Variants in SMAD5 observed in about 807,000 individuals in gnomAD.
SMAD5 encodes MAD, mothers against decapentaplegic homolog 5.
In SMAD5, 9 loss-of-function variants were observed where a neutral mutation model predicts 43.1. The observed-to-expected ratio is 0.21, with a 90% CI of 0.13 to 0.36. The LOEUF (loss-of-function observed/expected upper bound fraction) is 0.36. Ranked by LOEUF, SMAD5 falls within the 10% of genes least tolerant of loss-of-function variation. SMAD5 has a pLI of 1.00. For synonymous variants in SMAD5, 190 were observed against 192.4 expected (o/e 0.99, Z 0.10); for missense variants, 348 against 574.0 (o/e 0.61, Z 4.02).
In SMAD5 at chr5:136,153,577, C is replaced by G; in HGVS notation, c.-169-15C>G. 1.9e-6 allele frequency: 1 copy of G among 530,128 alleles called. No homozygotes were observed. The highest frequency in any genetic ancestry group is 3.3e-6 in the Non-Finnish European group (1 of 300,784). 32.8% of individuals were successfully genotyped at this position (530,128 alleles called of 1,614,324 possible). ...ATTGATTTAAACTAGGATCCTTTCC[C>G]CCTTTCTCTTTCAGGACTTGACCCA... is the stretch of plus-strand genomic sequence containing the variant. On this transcript the variant is annotated splice_polypyrimidine_tract_variant and intron_variant, in intron 2 of 7. Coordinates refer to ENST00000545279, the MANE Select transcript of SMAD5 (RefSeq NM_005903.7).
intron 1 of SMAD5, among the ~76,000 whole-genome samples, chr5:136,139,198 G>A (rs1029993307): frequency 1.5e-4 from 23 of 151,728 alleles, no homozygotes; most frequent in African/African-American, 4.6e-4. Flanking sequence ...GTGTCTCGGG[G>A]TGGGTATTGA....
At chr5:136,153,143 T>TA (rs1173439333) in intron 2 of SMAD5, among the ~76,000 whole-genome samples, 5 of 152,162 alleles carry the variant, frequency 3.3e-5, no homozygotes, top group Non-Finnish European at 7.4e-5. Context: ...GGGAAACATT[T>TA]AAAGAGAATA....
intron 1 of SMAD5, among the ~76,000 whole-genome samples, chr5:136,144,841 C>A (rs1753206126): frequency 6.6e-6 from 1 of 151,654 alleles, no homozygotes; most frequent in South Asian, 2.1e-4. Flanking sequence ...ACCAAGGATA[C>A]AAATCATGTA....
chr5:136,173,953 A>G (rs1440281099), intron 6 of SMAD5, among the ~76,000 whole-genome samples: 1 of 151,422 alleles, frequency 6.6e-6, no homozygotes, highest in Non-Finnish European at 1.5e-5. Context: ...GTTTTTTTTT[A>G]GTGTTGCTGT....
At chr5:136,140,635 G>A (rs1476975933) in intron 1 of SMAD5, among the ~76,000 whole-genome samples, 1 of 151,916 alleles carries the variant, frequency 6.6e-6, no homozygotes, top group African/African-American at 2.4e-5. Context: ...AACTCAGTTG[G>A]CACCTTCTTG....
chr5:136,168,346 A>G (rs573908140), intron 5 of SMAD5, among the ~76,000 whole-genome samples: 2 of 152,196 alleles, frequency 1.3e-5, no homozygotes, highest in Admixed American at 6.5e-5. Flanking sequence ...TCTGGCATGT[A>G]AAATTTAAAC....
chr5:136,155,462 TTCTTCCCCTTAACCCA>T (rs1230622311), intron 3 of SMAD5, among the ~76,000 whole-genome samples: 1 of 152,230 alleles, frequency 6.6e-6, no homozygotes, highest in African/African-American at 2.4e-5. Context: ...TCTGCGTCTC[TTCTTCCCCTTAACCCA>T]TTGTGTTTTC....
chr5:136,134,462 A>G (rs1279997974), intron 1 of SMAD5: 3 of 152,266 alleles, frequency 2.0e-5, no homozygotes, highest in Non-Finnish European at 2.9e-5. Flanking sequence ...CCAATGCAGT[A>G]GTATCCATTG....
rs1318925309 is a variant in SMAD5 at position 136,181,287 on chromosome 5, T to TA, written c.*3808dup. ...TTTGTGATGACTTATATTTTGGACTTACATTTTAACTTTAAAGAATGTCAG... is the reference window on the plus strand; with the variant it reads ...TTTGTGATGACTTATATTTTGGACTTAACATTTTAACTTTAAAGAATGTCAG... On this transcript the variant is annotated 3_prime_UTR_variant, in exon 8 of 8. Transcript: ENST00000545279. The TA allele has an allele frequency of 1.3e-5, 2 of 152,284 alleles. No individual in the cohort carries two copies. Among genetic ancestry groups the TA allele is most frequent in the Admixed American group, 6.5e-5 (1 of 15,292 alleles). The allele number at this position is 152,284 out of a possible 1,614,324, so 9.4% of individuals were successfully genotyped here.
At chr5:136,149,450 G>A (rs1753376620) in intron 2 of SMAD5, among the ~76,000 whole-genome samples, 1 of 151,280 alleles carries the variant, frequency 6.6e-6, no homozygotes, top group Non-Finnish European at 1.5e-5. Flanking sequence ...ATATATGAGA[G>A]TTCCAGTTCT....
chr5:136,156,993 A>G (rs745543173), intron 3 of SMAD5, among the ~76,000 whole-genome samples: 2 of 152,204 alleles, frequency 1.3e-5, no homozygotes, highest in African/African-American at 4.8e-5. Context: ...AGAATGGATC[A>G]CTTCATATTA....
At chr5:136,135,073 C>T (rs1161836685) in intron 1 of SMAD5, among the ~76,000 whole-genome samples, 1 of 152,178 alleles carries the variant, frequency 6.6e-6, no homozygotes, top group Non-Finnish European at 1.5e-5. Flanking sequence ...GTGTCTGGTT[C>T]ACTGTGGTAG....
At chr5:136,146,389 A>G (rs1753257417) in intron 1 of SMAD5, among the ~76,000 whole-genome samples, 1 of 151,744 alleles carries the variant, frequency 6.6e-6, no homozygotes, top group Non-Finnish European at 1.5e-5. Context: ...GGGGTGTTAG[A>G]TACACAGCTG....
At chr5:136,167,180 T>C (rs1353893452) in intron 5 of SMAD5, among the ~76,000 whole-genome samples, 6 of 152,156 alleles carry the variant, frequency 3.9e-5, no homozygotes, top group Admixed American at 3.9e-4. Context: ...ATTTTTTTTT[T>C]TCTATAACCT....
intron 5 of SMAD5, among the ~76,000 whole-genome samples, chr5:136,167,919 A>C (rs1754076990): frequency 6.6e-6 from 1 of 152,006 alleles, no homozygotes; most frequent in South Asian, 2.1e-4. Flanking sequence ...CCGGGATTGA[A>C]TACAGCGGCA....
intron 1 of SMAD5, among the ~76,000 whole-genome samples, chr5:136,144,602 T>A (rs1753197449): frequency 6.6e-6 from 1 of 150,576 alleles, no homozygotes; most frequent in Non-Finnish European, 1.5e-5. Context: ...TAGATATATA[T>A]AAATATATCT....
chr5:136,142,843 C>A (rs564978104), intron 1 of SMAD5, among the ~76,000 whole-genome samples: 365 of 152,222 alleles, frequency 2.4e-3, no homozygotes, highest in African/African-American at 8.1e-3. Flanking sequence ...GGCTAAATGG[C>A]ATATGAAACT....
intron 1 of SMAD5, chr5:136,147,460 C>T (rs192779657): frequency 1.3e-5 from 2 of 151,960 alleles, no homozygotes; most frequent in East Asian, 3.9e-4. Flanking sequence ...AGAACAATTA[C>T]AGACCTGTAA....
At chr5:136,173,409 A>T (rs1010990106) in intron 6 of SMAD5, among the ~76,000 whole-genome samples, 7 of 152,186 alleles carry the variant, frequency 4.6e-5, no homozygotes, top group African/African-American at 1.7e-4. Flanking sequence ...GGTCCAAAAT[A>T]GGAATAAAAG....
Sources: allele counts gnomAD v4.1 joint callset (sites outside exome capture counted in the v4.1 genomes callset), GRCh38; gene constraint gnomAD v4.1.1; transcripts MANE v1.5; gene names NCBI Gene and HGNC (gene_info 2026-07-23, HGNC 2026-07-21).